The following ASAP1 variants were observed in gnomAD, a reference collection of about 807,000 sequenced individuals.
ASAP1 encodes the protein arf-GAP with SH3 domain, ANK repeat and PH domain-containing protein 1.
A neutral mutation model predicts 145.2 loss-of-function variants in ASAP1; 43 were observed. The observed-to-expected ratio is 0.30, with a 90% CI of 0.23 to 0.38. The LOEUF is 0.38. ASAP1 is among the 10% of genes least tolerant of loss of function. The pLI is 1.00. For synonymous variants in ASAP1, 546 were observed against 515.5 expected (o/e 1.06, Z -0.80); for missense variants, 1,018 against 1,355.3 (o/e 0.75, Z 3.91).
chr8:130,283,311 T>A (rs1821365441), intron 3 of ASAP1, among the ~76,000 whole-genome samples: 1 of 152,006 alleles, frequency 6.6e-6, no homozygotes, highest in Non-Finnish European at 1.5e-5. Flanking sequence ...CTGGGTACAG[T>A]GGTTCACGCC....
chr8:130,142,945 C>G (rs1264780196), intron 13 of ASAP1, among the ~76,000 whole-genome samples: 2 of 152,016 alleles, frequency 1.3e-5, no homozygotes, highest in Admixed American at 6.6e-5. Flanking sequence ...GGAAGATGAG[C>G]AATGAAATGA....
At chr8:130,166,268 C>A (rs1487626466) in intron 11 of ASAP1, among the ~76,000 whole-genome samples, 1 of 152,150 alleles carries the variant, frequency 6.6e-6, no homozygotes, top group Non-Finnish European at 1.5e-5. Flanking sequence ...CTTGGCCTCC[C>A]AAAATGTTTG....
intron 28 of ASAP1, among the ~76,000 whole-genome samples, chr8:130,058,429 A>T (rs977518874): frequency 2.6e-5 from 4 of 152,202 alleles, no homozygotes; most frequent in African/African-American, 7.2e-5. Context: ...AGCTTGCAGA[A>T]TGACAGCAGA....
intron 10 of ASAP1, 139 bp downstream of exon 10, chr8:130,168,853 A>AG (rs2097685526): frequency 7.7e-6 from 4 of 520,360 alleles, no homozygotes; most frequent in African/African-American, 5.9e-5. Flanking sequence ...CTTAAACTGA[A>AG]GGGTTATCTG....
chr8:130,398,761 C>T (rs542245886), intron 2 of ASAP1, among the ~76,000 whole-genome samples: 4 of 152,200 alleles, frequency 2.6e-5, no homozygotes, highest in Admixed American at 6.5e-5. Context: ...AGGAAGAAGC[C>T]GAGGCACAGA....
intron 12 of ASAP1, among the ~76,000 whole-genome samples, chr8:130,155,169 AC>A (rs1352229053): frequency 6.6e-6 from 1 of 152,214 alleles, no homozygotes; most frequent in Non-Finnish European, 1.5e-5. Flanking sequence ...AGTTTTACTT[AC>A]ACATGTATAT....
chr8:130,380,832 C>T (rs115340246), intron 2 of ASAP1, among the ~76,000 whole-genome samples: 2,695 of 152,238 alleles, frequency 0.018, 86 homozygotes, highest in African/African-American at 0.061. Context: ...GATCTTTCGC[C>T]TCAGATTCCT....
chr8:130,134,727 G>C lies in ASAP1; in HGVS notation c.1169-383C>G, dbSNP rs114250775. On this transcript the variant is annotated intron_variant, in intron 14 of 29. Transcript: ENST00000518721. ...GCTTTTGAATAAACAGTGAGGAGAG[G>C]GGAAGGTCCTATTTGATCCAAATGG... Among the ~76,000 whole-genome samples the C allele has an allele frequency of 5.0e-3, 758 of 152,282 alleles. 12 individuals are homozygous for C. Among genetic ancestry groups the C allele is most frequent in the African/African-American group, 0.018 (732 of 41,552 alleles).
intron 1 of ASAP1, among the ~76,000 whole-genome samples, chr8:130,433,982 A>G (rs752606981): frequency 9.9e-5 from 15 of 152,220 alleles, no homozygotes; most frequent in Non-Finnish European, 1.8e-4. Context: ...CGTGGTCAAG[A>G]GTATGGGTAT....
chr8:130,064,095 GAGA>G (rs1467876321), intron 27 of ASAP1, among the ~76,000 whole-genome samples: 2 of 152,114 alleles, frequency 1.3e-5, no homozygotes, highest in Non-Finnish European at 2.9e-5. Flanking sequence ...TGGGGGTTGC[GAGA>G]AGAACCACCA....
chr8:130,092,281 C>T, intron 24 of ASAP1, 138 bp from the exon 25 acceptor site: 2 of 876,546 alleles, frequency 2.3e-6, no homozygotes, highest in Non-Finnish European at 3.3e-6. Flanking sequence ...ATATGGCTAA[C>T]TCCATCAACC....
intron 2 of ASAP1, among the ~76,000 whole-genome samples, chr8:130,377,816 C>T (rs1827576805): frequency 6.6e-6 from 1 of 152,202 alleles, no homozygotes; most frequent in South Asian, 2.1e-4. Context: ...CTGGCTCCTG[C>T]TTCCCAGAGG....
Position 130,282,714 on chromosome 8 carries a change from G to A in ASAP1, c.187-45720C>T, listed in dbSNP as rs952858506. ...ATTGGGGAAAATATATTTTTAGAAA[G>A]CTGTTATCCCTACTCTCATAAAAAT... On this transcript the variant is annotated intron_variant, in intron 3 of 29. Transcript: ENST00000518721. Among the ~76,000 whole-genome samples the A allele has an allele frequency of 3.3e-5, 5 of 152,270 alleles. No individual in the cohort carries two copies. The South Asian group carries it at 8.3e-4, about 25-fold the overall frequency.
intron 4 of ASAP1, among the ~76,000 whole-genome samples, chr8:130,231,010 A>G (rs1196073030): frequency 6.6e-6 from 1 of 152,198 alleles, no homozygotes; most frequent in Non-Finnish European, 1.5e-5. Context: ...CTTAACTAAA[A>G]AATAGCTCAA....
At chr8:130,172,622 A>T (rs1051190364) in intron 9 of ASAP1, among the ~76,000 whole-genome samples, 4 of 152,246 alleles carry the variant, frequency 2.6e-5, no homozygotes, top group Non-Finnish European at 5.9e-5. Flanking sequence ...AGTGCTTGGT[A>T]GCCACGTGTG....
At chr8:130,118,979 C>G (rs563225111) in intron 18 of ASAP1, among the ~76,000 whole-genome samples, 5 of 152,144 alleles carry the variant, frequency 3.3e-5, no homozygotes, top group Non-Finnish European at 7.3e-5. Context: ...ACTTCAAACT[C>G]TGATATATAA....
At chr8:130,108,757 G>GTTTTTTTTTTTTTTTTTTTTTTTTTTTT in intron 24 of ASAP1, among the ~76,000 whole-genome samples, 3 of 51,524 alleles carry the variant, frequency 5.8e-5, no homozygotes, top group Non-Finnish European at 9.8e-5. Context: ...TCAAAAACCA[G>GTTTTTTTTTTTTTTTTTTTTTTTTTTTT]TTTTTTTTTT....
intron 3 of ASAP1, among the ~76,000 whole-genome samples, chr8:130,276,728 A>ACACACACACACTCTCTCTCTCT (rs548512902): frequency 2.1e-4 from 18 of 87,316 alleles, no homozygotes; most frequent in South Asian, 1.2e-3. Flanking sequence ...ACACACACAC[A>ACACACACACACTCTCTCTCTCT]CTCTCTCTCT....
intron 13 of ASAP1, among the ~76,000 whole-genome samples, chr8:130,140,716 G>A (rs2097608566): frequency 6.6e-6 from 1 of 152,158 alleles, no homozygotes; most frequent in Non-Finnish European, 1.5e-5. Context: ...ATTTGACACA[G>A]GCACATCTTG....
Sources: gnomAD v4.1 joint callset for allele counts (sites outside exome capture counted in the v4.1 genomes callset) on GRCh38, gnomAD v4.1.1 for gene constraint, MANE v1.5 for transcripts, NCBI Gene and HGNC (gene_info 2026-07-23, HGNC 2026-07-21) for gene names.